Variants in ARHGAP24 observed in about 807,000 individuals in gnomAD.
ARHGAP24 encodes Rho GTPase activating protein 24.
ARHGAP24 carries 50 observed loss-of-function variants against 76.4 expected under a neutral mutation model. The ratio of observed to expected loss-of-function variants is 0.65; its 90% CI spans 0.52 to 0.83. The LOEUF is 0.83. Among genes scored for constraint, ARHGAP24 ranks in the 40% least tolerant of loss-of-function variants. The pLI, the probability that ARHGAP24 is intolerant of heterozygous loss-of-function variation, is 0.00. For synonymous variants in ARHGAP24, 345 were observed against 323.3 expected, an observed-to-expected ratio of 1.07 and a Z score of -0.72; for missense variants, 930 against 914.2, an observed-to-expected ratio of 1.02 and a Z score of -0.22.
chr4:85,823,169 G>T lies in ARHGAP24; in HGVS notation c.269-100479G>T, dbSNP rs183903898. Among the ~76,000 whole-genome samples, 36 of 152,134 alleles carry T rather than the reference G, an allele frequency of 2.4e-4. No individual in the cohort carries two copies. The East Asian group carries it at 7.0e-3, about 29-fold the overall frequency. On this transcript the variant is annotated intron_variant, in intron 3 of 9. Transcript: ENST00000395184. ...GAAGAACATTTAGAAAATGCTAAAA[G>T]ATCAGAAAGAAAATAAAATTGCTGT...
At chr4:85,859,212 T>TACACACAC (rs10645010) in intron 3 of ARHGAP24, among the ~76,000 whole-genome samples, 8,354 of 145,448 alleles carry the variant, frequency 0.057, 664 homozygotes, top group African/African-American at 0.18. Context: ...GCCACATGCA[T>TACACACAC]ACACACACAC....
chr4:85,528,858 A>T (rs1725131303), intron 1 of ARHGAP24, among the ~76,000 whole-genome samples: 1 of 152,050 alleles, frequency 6.6e-6, no homozygotes, highest in Non-Finnish European at 1.5e-5. Flanking sequence ...ATGCTTGTCT[A>T]TTCAATACTA....
intron 3 of ARHGAP24, among the ~76,000 whole-genome samples, chr4:85,754,949 G>T (rs747466482): frequency 7.2e-5 from 11 of 152,102 alleles, no homozygotes; most frequent in Non-Finnish European, 1.5e-4. Flanking sequence ...ATCAGATTAG[G>T]CGAAGCGTGT....
At chr4:85,670,627 T>C (rs1220649500) in intron 2 of ARHGAP24, among the ~76,000 whole-genome samples, 4 of 152,212 alleles carry the variant, frequency 2.6e-5, no homozygotes, top group African/African-American at 9.6e-5. Context: ...ATTTATTCTT[T>C]GTGACTGAAT....
chr4:85,814,692 A>G (rs1386069678), intron 3 of ARHGAP24, among the ~76,000 whole-genome samples: 3 of 152,076 alleles, frequency 2.0e-5, no homozygotes, highest in Non-Finnish European at 4.4e-5. Context: ...TTGAGTGTCT[A>G]TGGCTTTTCC....
At chr4:85,583,755 A>AC (rs1298037275) in intron 2 of ARHGAP24, among the ~76,000 whole-genome samples, 5 of 151,270 alleles carry the variant, frequency 3.3e-5, no homozygotes, top group African/African-American at 1.2e-4. Flanking sequence ...AGAAAAAAAA[A>AC]AAAACCCCAT....
chr4:85,560,331 T>C (rs2110134978), intron 1 of ARHGAP24, among the ~76,000 whole-genome samples: 1 of 152,200 alleles, frequency 6.6e-6, no homozygotes, highest in East Asian at 1.9e-4. Context: ...AAAGATTCTC[T>C]CTACAATGTA....
At chr4:85,844,637 C>T (rs573230648) in intron 3 of ARHGAP24, among the ~76,000 whole-genome samples, 79 of 152,176 alleles carry the variant, frequency 5.2e-4, no homozygotes, top group Non-Finnish European at 8.8e-4. Flanking sequence ...CACTTTGCAC[C>T]TTTTCTGATA....
At chr4:85,633,699 T>C (rs1207275356) in intron 2 of ARHGAP24, among the ~76,000 whole-genome samples, 1 of 151,792 alleles carries the variant, frequency 6.6e-6, no homozygotes, top group African/African-American at 2.4e-5. Context: ...AGACTTTAGC[T>C]TTCATTCACT....
chr4:85,885,633 A>G (rs568453049), intron 3 of ARHGAP24, among the ~76,000 whole-genome samples: 3 of 152,256 alleles, frequency 2.0e-5, no homozygotes, highest in South Asian at 4.1e-4. Flanking sequence ...AACTTTTAAT[A>G]CTTATTTATA....
intron 3 of ARHGAP24, among the ~76,000 whole-genome samples, chr4:85,765,062 G>C (rs1329857667): frequency 1.3e-5 from 2 of 151,988 alleles, no homozygotes; most frequent in African/African-American, 4.8e-5. Flanking sequence ...ACATTTGTTT[G>C]ACTTTTTAAG....
chr4:85,638,027 G>T (rs1010249328), intron 2 of ARHGAP24, among the ~76,000 whole-genome samples: 1 of 151,900 alleles, frequency 6.6e-6, no homozygotes, highest in African/African-American at 2.4e-5. Context: ...CCACATTCTC[G>T]TCCCAGTCTG....
chr4:85,555,300 A>C (rs1726312446), intron 1 of ARHGAP24, among the ~76,000 whole-genome samples: 1 of 152,212 alleles, frequency 6.6e-6, no homozygotes, highest in Admixed American at 6.5e-5. Flanking sequence ...GTTTGAGTAC[A>C]GTCAGTTGAC....
At chr4:85,748,334 T>C (rs1013252279) in intron 3 of ARHGAP24, among the ~76,000 whole-genome samples, 1 of 152,228 alleles carries the variant, frequency 6.6e-6, no homozygotes, top group Non-Finnish European at 1.5e-5. Context: ...CCCTTTCTCA[T>C]ACATATGCCA....
At chr4:85,692,566 C>A (rs113198534) in intron 2 of ARHGAP24, among the ~76,000 whole-genome samples, 3 of 151,960 alleles carry the variant, frequency 2.0e-5, no homozygotes, top group Non-Finnish European at 4.4e-5. Context: ...ATTCAAAGAA[C>A]CAGTGTTTGG....
intron 1 of ARHGAP24, among the ~76,000 whole-genome samples, chr4:85,480,432 C>T (rs1405863639): frequency 6.6e-6 from 1 of 152,084 alleles, no homozygotes; most frequent in East Asian, 1.9e-4. Flanking sequence ...GCCAGTCAAG[C>T]TTTTTGTATG....
chr4:85,928,136 G>C, intron 4 of ARHGAP24, among the ~76,000 whole-genome samples: 1 of 152,124 alleles, frequency 6.6e-6, no homozygotes, highest in East Asian at 1.9e-4. Flanking sequence ...CTAATTGAGA[G>C]GCACATGGTT....
At chr4:85,765,661 TAAC>T (rs2110075762) in intron 3 of ARHGAP24, among the ~76,000 whole-genome samples, 1 of 152,192 alleles carries the variant, frequency 6.6e-6, no homozygotes, top group East Asian at 1.9e-4. Context: ...GGATAAAAAG[TAAC>T]AAAATAACCA....
At chr4:85,575,110 C>T (rs1255856628) in intron 2 of ARHGAP24, among the ~76,000 whole-genome samples, 1 of 152,102 alleles carries the variant, frequency 6.6e-6, no homozygotes, top group East Asian at 1.9e-4. Context: ...TCAAACTAAA[C>T]ATCCTCATTA....
Sources: allele counts gnomAD v4.1 joint callset (sites outside exome capture counted in the v4.1 genomes callset), GRCh38; gene constraint gnomAD v4.1.1; transcripts MANE v1.5; gene names NCBI Gene and HGNC (gene_info 2026-07-23, HGNC 2026-07-21).